Variants in LDLRAD4 observed in about 807,000 individuals in gnomAD.
LDLRAD4 encodes low-density lipoprotein receptor class A domain-containing protein 4.
In LDLRAD4, 5 loss-of-function variants were observed where a neutral mutation model predicts 17.0. The ratio of observed to expected loss-of-function variants is 0.29; its 90% CI spans 0.15 to 0.62. The LOEUF (loss-of-function observed/expected upper bound fraction) is 0.62, where lower values mean the gene tolerates loss of function less well. LDLRAD4 is among the 20% of genes least tolerant of loss of function. The pLI is 0.84. For synonymous variants in LDLRAD4, 168 were observed against 171.8 expected (o/e 0.98, Z 0.17); for missense variants, 340 against 424.7 (o/e 0.80, Z 1.75).
chr18:13,322,871 T>G (rs2081330994), intron 1 of LDLRAD4, among the ~76,000 whole-genome samples: 1 of 151,852 alleles, frequency 6.6e-6, no homozygotes, highest in South Asian at 2.1e-4. Flanking sequence ...GTGATCCACC[T>G]GTCTCGGCCT....
At position 13,537,903 on chromosome 18, in the gene LDLRAD4, T is replaced by C. The variant is rs1010711793; in HGVS notation, c.182-83214T>C. On this transcript the variant is annotated intron_variant, in intron 3 of 5. Transcript: ENST00000359446. ...TTTCTGTTCTTTCTTATATTCATTA[T>C]CATAATTTATATCTTTCAAGAAATT... Among the ~76,000 whole-genome samples the C allele has an allele frequency of 2.6e-5, 4 of 152,238 alleles. No individual in the cohort carries two copies. The East Asian group carries it at 7.7e-4, about 29-fold the overall frequency.
intron 1 of LDLRAD4, among the ~76,000 whole-genome samples, chr18:13,320,412 G>A (rs1035735415): frequency 6.6e-6 from 1 of 152,148 alleles, no homozygotes; most frequent in Non-Finnish European, 1.5e-5. Context: ...CTTTAATTGA[G>A]GGAAGAGACT....
intron 1 of LDLRAD4, chr18:13,234,963 A>G (rs1037938100): frequency 6.6e-6 from 1 of 152,188 alleles, no homozygotes; most frequent in African/African-American, 2.4e-5. Context: ...AAAAATCATC[A>G]GATTAGGTTG....
At chr18:13,510,188 G>A (rs898668526) in intron 3 of LDLRAD4, among the ~76,000 whole-genome samples, 1 of 152,256 alleles carries the variant, frequency 6.6e-6, no homozygotes, top group East Asian at 1.9e-4. Context: ...CTAAATCATG[G>A]GAACTGAGAT....
At chr18:13,575,058 GGTTT>G (rs887221597) in intron 3 of LDLRAD4, among the ~76,000 whole-genome samples, 2 of 152,144 alleles carry the variant, frequency 1.3e-5, no homozygotes, top group Admixed American at 6.5e-5. Flanking sequence ...AAAGGAAAAG[GGTTT>G]GTTTGTTTTT....
chr18:13,419,889 G>A (rs2089289295), intron 2 of LDLRAD4: 1 of 152,200 alleles, frequency 6.6e-6, no homozygotes, highest in Non-Finnish European at 1.5e-5. Context: ...TGAGCCTGGT[G>A]GACCTCCCGG....
intron 2 of LDLRAD4, among the ~76,000 whole-genome samples, chr18:13,433,424 G>C (rs1464896424): frequency 6.6e-6 from 1 of 152,214 alleles, no homozygotes; most frequent in Non-Finnish European, 1.5e-5. Flanking sequence ...TGATTTTACA[G>C]CTGAGATGTA....
At chr18:13,601,634 A>G (rs1308857441) in intron 3 of LDLRAD4, among the ~76,000 whole-genome samples, 1 of 148,892 alleles carries the variant, frequency 6.7e-6, no homozygotes, top group African/African-American at 2.5e-5. Context: ...AGCCTGGGCG[A>G]CAGAGTGAGA....
intron 1 of LDLRAD4, among the ~76,000 whole-genome samples, chr18:13,325,545 C>T (rs1416796081): frequency 6.6e-6 from 1 of 152,150 alleles, no homozygotes; most frequent in African/African-American, 2.4e-5. Context: ...AGTTTTGGGG[C>T]CACTCCCTCT....
chr18:13,605,041 G>A (rs750878563), intron 3 of LDLRAD4, among the ~76,000 whole-genome samples: 3 of 152,224 alleles, frequency 2.0e-5, no homozygotes, highest in Admixed American at 6.5e-5. Flanking sequence ...GGCTCATAGG[G>A]ACGGAGGCTT....
Position 13,316,902 on chromosome 18 carries a change from T to G in LDLRAD4, c.-383+38714T>G, listed in dbSNP as rs560144137. On this transcript the variant is annotated intron_variant, in intron 1 of 5. Transcript: ENST00000359446. ...ACAGATGGGATAAATAGAAAACAGA[T>G]AGCAACATGGTCAGTTTTCACTCAA... Among the ~76,000 whole-genome samples, 5 of 152,186 alleles carry G rather than the reference T, an allele frequency of 3.3e-5. No homozygotes were observed. In the East Asian group the frequency reaches 9.8e-4, roughly 30 times the overall value.
At chr18:13,249,557 A>T (rs1173875426) in intron 1 of LDLRAD4, among the ~76,000 whole-genome samples, 1 of 151,670 alleles carries the variant, frequency 6.6e-6, no homozygotes, top group Non-Finnish European at 1.5e-5. Context: ...CCTTTTGAGA[A>T]ATGTCCGCAC....
chr18:13,416,772 A>G (rs1427683599), intron 2 of LDLRAD4, among the ~76,000 whole-genome samples: 2 of 152,254 alleles, frequency 1.3e-5, no homozygotes, highest in Non-Finnish European at 2.9e-5. Flanking sequence ...TGAACTATAC[A>G]AGATTAATTC....
At chr18:13,487,045 T>A (rs142492784) in intron 3 of LDLRAD4, 1 of 152,274 alleles carries the variant, frequency 6.6e-6, no homozygotes, top group South Asian at 2.1e-4. Context: ...TTAATGAACC[T>A]GAGCACCTTT....
At chr18:13,257,287 C>T (rs1210873592) in intron 1 of LDLRAD4, among the ~76,000 whole-genome samples, 4 of 152,198 alleles carry the variant, frequency 2.6e-5, no homozygotes, top group African/African-American at 7.2e-5. Flanking sequence ...AAATGTTCTT[C>T]CTTTTAATGA....
intron 1 of LDLRAD4, among the ~76,000 whole-genome samples, chr18:13,318,913 T>C (rs988089223): frequency 6.6e-6 from 1 of 152,206 alleles, no homozygotes; most frequent in Non-Finnish European, 1.5e-5. Flanking sequence ...CGCAGTCCCC[T>C]TCCCTAGTGA....
chr18:13,588,582 T>C (rs574226081), intron 3 of LDLRAD4, among the ~76,000 whole-genome samples: 3 of 152,200 alleles, frequency 2.0e-5, no homozygotes, highest in Admixed American at 2.0e-4. Flanking sequence ...TTATTTTTTT[T>C]AGGGTCTCTG....
chr18:13,471,414 G>A (rs1346244686), intron 3 of LDLRAD4: 1 of 152,294 alleles, frequency 6.6e-6, no homozygotes, highest in African/African-American at 2.4e-5. Context: ...CACTGGAAGG[G>A]ATGTAGCATT....
chr18:13,579,405 T>C, intron 3 of LDLRAD4, among the ~76,000 whole-genome samples: 1 of 152,256 alleles, frequency 6.6e-6, no homozygotes, highest in Non-Finnish European at 1.5e-5. Flanking sequence ...TAAGTGGGCC[T>C]GTCCCTTTTT....
Sources: allele counts gnomAD v4.1 joint callset (sites outside exome capture counted in the v4.1 genomes callset), GRCh38; gene constraint gnomAD v4.1.1; transcripts MANE v1.5; gene names NCBI Gene and HGNC (gene_info 2026-07-23, HGNC 2026-07-21).